The following ACOT7 variants were observed in gnomAD, a reference collection of about 807,000 sequenced individuals.
ACOT7 encodes acyl-CoA thioesterase 7.
Under a neutral mutation model 40.2 loss-of-function variants are expected in ACOT7, and 12 were observed. The ratio of observed to expected loss-of-function variants is 0.30; its 90% CI spans 0.19 to 0.48. ACOT7 has a LOEUF of 0.48. Among genes scored for constraint, ACOT7 ranks in the 20% least tolerant of loss-of-function variants. The probability of loss-of-function intolerance (pLI) is 0.99; values close to 1 mark genes in which losing one functional copy is unlikely to be tolerated. For missense variants in ACOT7, 395 were observed against 530.8 expected (o/e 0.74, Z 2.51); for synonymous variants, 228 against 219.5 (o/e 1.04, Z -0.34).
chr1:6,353,407 G>A (rs1481013528), intron 1 of ACOT7, among the ~76,000 whole-genome samples: 1 of 152,142 alleles, frequency 6.6e-6, no homozygotes, highest in African/African-American at 2.4e-5. Flanking sequence ...CGAGGCGGGG[G>A]CGGATCACTT....
At position 6,306,698 on chromosome 1, in the gene ACOT7, A is replaced by C. The variant is rs2148409160; in HGVS notation, c.713-11718T>G. The C allele has an allele frequency of 1.0e-6, 1 of 985,390 alleles. No individual in the cohort carries two copies. The highest frequency in any genetic ancestry group is 1.1e-4 in the East Asian group (1 of 8,816). 61.0% of individuals were successfully genotyped at this position (985,390 alleles called of 1,614,324 possible). A position where few individuals can be genotyped will look rare whatever the true frequency, so the allele number is the denominator to read the frequency against. ...TGTTTGTTCACCTCTTGATCCCCCT[A>C]GACCAGAAGTTCCTCAAGAGTAGGG... On this transcript the variant is annotated intron_variant, in intron 6 of 8. Transcript: ENST00000361521. The surrounding 1 kb of genome is among the most constrained non-coding windows in gnomAD (Gnocchi z 4.3).
At chr1:6,339,712 A>C (rs1641211072) in intron 2 of ACOT7, 123 bp from the exon 3 acceptor site, 2 of 1,132,122 alleles carry the variant, frequency 1.8e-6, no homozygotes, top group African/African-American at 1.6e-5. Flanking sequence ...GAAAGCAACC[A>C]ATGTATCACC....
intron 5 of ACOT7, among the ~76,000 whole-genome samples, chr1:6,325,120 C>T (rs912537656): frequency 7.9e-5 from 12 of 152,208 alleles, no homozygotes; most frequent in African/African-American, 2.9e-4. Context: ...ATATCTCAGC[C>T]GGGCGCAGTG....
At chr1:6,367,428 A>G (rs1194549628) in intron 1 of ACOT7, among the ~76,000 whole-genome samples, 1 of 152,116 alleles carries the variant, frequency 6.6e-6, no homozygotes, top group East Asian at 1.9e-4. Context: ...ACCAGCCTGG[A>G]GCTCCCATGC....
In ACOT7 at chr1:6,311,914, C is replaced by A. The variant is rs765899276; in HGVS notation, c.712+6578G>T. Among the ~76,000 whole-genome samples, 1 of 152,190 alleles carries A rather than the reference C, an allele frequency of 6.6e-6. No individual in the cohort carries two copies. The highest frequency in any genetic ancestry group is 1.5e-5 in the Non-Finnish European group (1 of 68,024). Reference sequence around the variant, plus strand: ...TCACCCCGACTCCCAGGGTCTGGGTCACCTGTCGGGTGGGGTCTGGGTGTC... The same window carrying A: ...TCACCCCGACTCCCAGGGTCTGGGTAACCTGTCGGGTGGGGTCTGGGTGTC... On this transcript the variant is annotated intron_variant, in intron 6 of 8. Coordinates refer to ENST00000361521, the MANE Select transcript of ACOT7 (RefSeq NM_007274.4). This position sits in a 1 kb window ranked among gnomAD's most constrained non-coding sequence, Gnocchi z 5.2.
rs1413970193 is a variant in ACOT7 at position 6,288,503 on chromosome 1, A to G, written c.829+6361T>C. Among the ~76,000 whole-genome samples the G allele has an allele frequency of 6.6e-6, 1 of 152,188 alleles. No homozygotes were observed. The highest frequency in any genetic ancestry group is 1.5e-5 in the Non-Finnish European group (1 of 68,028). ...CTGAAGTGCCAGCTGGAGGGGCTCAAGCTGAATGTGGCATGTCACGGGGAG... is the reference window on the plus strand; with the variant it reads ...CTGAAGTGCCAGCTGGAGGGGCTCAGGCTGAATGTGGCATGTCACGGGGAG... On this transcript the variant is annotated intron_variant, in intron 7 of 8. Transcript: ENST00000361521. The surrounding 1 kb of genome is among the most constrained non-coding windows in gnomAD (Gnocchi z 4.3).
chr1:6,312,591 C>T (rs974598550), intron 6 of ACOT7, among the ~76,000 whole-genome samples: 3 of 152,150 alleles, frequency 2.0e-5, no homozygotes, highest in Non-Finnish European at 4.4e-5. Context: ...CCTCTGCCTC[C>T]CAAGCAGCTG....
At position 6,306,437 on chromosome 1, in the gene ACOT7, G is replaced by A; in HGVS notation, c.713-11457C>T. The stretch of plus-strand genomic sequence containing the variant: ...TGGACTGGAGTGATATGAACCCCAC[G>A]CCCAGGCTTTCAGGGTTGACACCAT... On this transcript the variant is annotated intron_variant, in intron 6 of 8. Coordinates refer to ENST00000361521, the MANE Select transcript of ACOT7 (RefSeq NM_007274.4). The surrounding 1 kb of genome is among the most constrained non-coding windows in gnomAD (Gnocchi z 4.3). 3 of 985,276 alleles carry A rather than the reference G, an allele frequency of 3.0e-6. No individual in the cohort carries two copies. Among genetic ancestry groups the A allele is most frequent in the South Asian group, 4.7e-5 (1 of 21,262 alleles). The allele number at this position is 985,276 out of a possible 1,614,324, so 61.0% of individuals were successfully genotyped here.
At chr1:6,387,918 G>A (rs915455896) in intron 1 of ACOT7, among the ~76,000 whole-genome samples, 2 of 151,346 alleles carry the variant, frequency 1.3e-5, no homozygotes, top group African/African-American at 4.9e-5. Flanking sequence ...TGTGGCTTCT[G>A]TAAATCAGGT....
intron 4 of ACOT7, among the ~76,000 whole-genome samples, chr1:6,332,196 G>A (rs1640974273): frequency 6.6e-6 from 1 of 152,210 alleles, no homozygotes; most frequent in African/African-American, 2.4e-5. Context: ...ATATATCTCA[G>A]CCGGAGGAAA....
In ACOT7 at chr1:6,393,481, C is replaced by T; in HGVS notation, c.-82G>A. 8.7e-7 allele frequency: 1 copy of T among 1,149,854 alleles called. No individual in the cohort carries two copies. The allele number at this position is 1,149,854 out of a possible 1,614,324, so 71.2% of individuals were successfully genotyped here. Reference sequence around the variant, plus strand: ...GGGGCAATCGAACGCGGCCTCCCCGCGCCGACCCCGCCCCCGCGCCGGCCC... The same window carrying T: ...GGGGCAATCGAACGCGGCCTCCCCGTGCCGACCCCGCCCCCGCGCCGGCCC... On this transcript the variant is annotated 5_prime_UTR_variant, in exon 1 of 9. Transcript: ENST00000361521.
At chr1:6,363,468 G>A (rs1219878528) in intron 1 of ACOT7, among the ~76,000 whole-genome samples, 1 of 152,226 alleles carries the variant, frequency 6.6e-6, no homozygotes, top group African/African-American at 2.4e-5. Flanking sequence ...TCCCTGTGAT[G>A]CTGTGCTTCA....
At chr1:6,385,537 G>A (rs1237054012) in intron 1 of ACOT7, 3 of 1,612,098 alleles carry the variant, frequency 1.9e-6, no homozygotes, top group Non-Finnish European at 2.5e-6. Context: ...TCAGCCCTGG[G>A]CCCAACCACC....
At chr1:6,348,574 C>A (rs1033162882) in intron 2 of ACOT7, among the ~76,000 whole-genome samples, 3 of 152,152 alleles carry the variant, frequency 2.0e-5, no homozygotes, top group African/African-American at 7.2e-5. Flanking sequence ...TATAAAAGGG[C>A]CTGAGAGAGC....
chr1:6,292,958 C>T (rs1351811840), intron 7 of ACOT7, among the ~76,000 whole-genome samples: 2 of 147,528 alleles, frequency 1.4e-5, no homozygotes, highest in African/African-American at 5.1e-5. Context: ...GGCGCGATCT[C>T]GGCTCACTGC....
chr1:6,360,223 A>T (rs1466860689), intron 1 of ACOT7, among the ~76,000 whole-genome samples: 1 of 152,260 alleles, frequency 6.6e-6, no homozygotes, highest in African/African-American at 2.4e-5. Flanking sequence ...AATGTCTAGA[A>T]GCCAGCAGAG....
At chr1:6,266,808 T>C (rs1481118722) in intron 8 of ACOT7, among the ~76,000 whole-genome samples, 1 of 152,248 alleles carries the variant, frequency 6.6e-6, no homozygotes, top group Non-Finnish European at 1.5e-5. Flanking sequence ...GAAGACCCTG[T>C]AGCAGGCAGA....
At chr1:6,276,434 G>A (rs3789509) in intron 8 of ACOT7, among the ~76,000 whole-genome samples, 3,242 of 152,152 alleles carry the variant, frequency 0.021, 110 homozygotes, top group African/African-American at 0.075. Context: ...GACCGAGACC[G>A]GGAAGTGCTG....
Position 6,314,002 on chromosome 1 carries a change from T to C in ACOT7, c.712+4490A>G, listed in dbSNP as rs116710298. On this transcript the variant is annotated intron_variant, in intron 6 of 8. Coordinates refer to ENST00000361521, the MANE Select transcript of ACOT7 (RefSeq NM_007274.4). Reference sequence around the variant, plus strand: ...CCAACCCAGGCGAGTGCAAAGGCCGTCCCAGGAGAGCAGTTTAGAGCAGGC... The same window carrying C: ...CCAACCCAGGCGAGTGCAAAGGCCGCCCCAGGAGAGCAGTTTAGAGCAGGC... 7.3e-3 allele frequency among the ~76,000 whole-genome samples: 1,110 copies of C among 152,066 alleles called. 19 individuals are homozygous for C. Among genetic ancestry groups the C allele is most frequent in the African/African-American group, 0.024 (1,004 of 41,460 alleles).
Sources: gnomAD v4.1 joint callset for allele counts (sites outside exome capture counted in the v4.1 genomes callset) on GRCh38, gnomAD v4.1.1 for gene constraint, Gnocchi (gnomAD v3.1) non-coding constraint, MANE v1.5 for transcripts, NCBI Gene and HGNC (gene_info 2026-07-23, HGNC 2026-07-21) for gene names.